Variants in RSPH3 observed in about 807,000 individuals in gnomAD.
RSPH3 encodes the protein radial spoke head protein 3 homolog.
A neutral mutation model predicts 43.8 loss-of-function variants in RSPH3; 21 were observed. That is an observed-to-expected ratio of 0.48 (90% CI 0.34 to 0.69). The LOEUF is 0.69. Ranked by LOEUF, RSPH3 falls within the 30% of genes least tolerant of loss-of-function variation. The pLI, the probability that RSPH3 is intolerant of heterozygous loss-of-function variation, is 0.01. For missense variants in RSPH3, 487 were observed against 516.0 expected, an observed-to-expected ratio of 0.94 and a Z score of 0.54; for synonymous variants, 173 against 179.8, an observed-to-expected ratio of 0.96 and a Z score of 0.30.
At chr6:158,970,244 TTG>T (rs927490945), downstream of RSPH3, among the ~76,000 whole-genome samples, 1 of 152,234 alleles carries the variant, frequency 6.6e-6, no homozygotes, top group African/African-American at 2.4e-5. Flanking sequence ...GTATTCTTTG[TTG>T]TGTGTGGCCA....
rs1375363885 is a variant in RSPH3 at position 158,989,339 on chromosome 6, GC to G, written c.205-2919del. ...TGGGATTACAGGCATGAGACACTGC[GC>G]CCCGACAGAGATCCTTTATCACTAG... On this transcript the variant is annotated intron_variant, in intron 2 of 7. Coordinates refer to ENST00000367069, the MANE Select transcript of RSPH3 (RefSeq NM_031924.8). This position sits in a 1 kb window ranked among gnomAD's most constrained non-coding sequence, Gnocchi z 4.3. Among the ~76,000 whole-genome samples, 1 of 152,088 alleles carries G rather than the reference GC, an allele frequency of 6.6e-6. No homozygotes were observed. The highest frequency in any genetic ancestry group is 1.5e-5 in the Non-Finnish European group (1 of 68,018).
chr6:158,970,945 C>G (rs911133945), downstream of RSPH3, among the ~76,000 whole-genome samples: 1 of 152,128 alleles, frequency 6.6e-6, no homozygotes, highest in Admixed American at 6.5e-5. Flanking sequence ...CCTCAGGCAG[C>G]TGTGATGTTA....
chr6:158,999,117 T>A (rs982810076), intron 1 of RSPH3, among the ~76,000 whole-genome samples: 1 of 152,208 alleles, frequency 6.6e-6, no homozygotes, highest in Non-Finnish European at 1.5e-5. Flanking sequence ...ATGCCCCCCG[T>A]AAGGTGCTCA....
chr6:158,992,810 A>G (rs1778461224), intron 2 of RSPH3, among the ~76,000 whole-genome samples: 1 of 152,184 alleles, frequency 6.6e-6, no homozygotes. Context: ...ACCACCCTTA[A>G]TATCATACCA....
downstream of RSPH3, chr6:158,972,810 T>C (rs990134386): frequency 6.6e-6 from 1 of 152,230 alleles, no homozygotes; most frequent in Non-Finnish European, 1.5e-5. Flanking sequence ...GCTATTAGCT[T>C]ATCTTTTAAC....
intron 4 of RSPH3, 81 bp from the exon 5 acceptor site, chr6:158,982,769 C>G (rs775600109): frequency 2.3e-6 from 2 of 888,418 alleles, no homozygotes; most frequent in Non-Finnish European, 3.6e-6. Context: ...ATAGCAATAA[C>G]AAGATATTAT....
rs572292023 is a variant in RSPH3, at chr6:158,992,426, C to T, written c.204+1413G>A. ...TCCCAAGTAGCTGGGACTACAGGGG[C>T]GTGCCACCATGCCCAGCTAATTTTT... On this transcript the variant is annotated intron_variant, in intron 2 of 7. Transcript: ENST00000367069. 3.0e-4 allele frequency among the ~76,000 whole-genome samples: 45 copies of T among 150,680 alleles called. No homozygotes were observed. In the East Asian group the frequency reaches 3.3e-3, roughly 11 times the overall value.
intron 2 of RSPH3, 136 bp downstream of exon 2, chr6:158,993,703 T>C: frequency 1.9e-6 from 1 of 528,030 alleles, no homozygotes; most frequent in Non-Finnish European, 3.3e-6. Flanking sequence ...TTTTTAAAAA[T>C]TTCATTTTTA....
chr6:158,986,172 C>T (rs532995287), intron 3 of RSPH3, 108 bp downstream of exon 3: 4 of 1,039,070 alleles, frequency 3.8e-6, no homozygotes, highest in South Asian at 3.2e-5. Context: ...GGGGAAGTAT[C>T]AGAGAGCACA....
intron 6 of RSPH3, among the ~76,000 whole-genome samples, chr6:158,980,337 G>C (rs1166158967): frequency 6.6e-6 from 1 of 151,980 alleles, no homozygotes; most frequent in Non-Finnish European, 1.5e-5. Flanking sequence ...CCGAGGCAGG[G>C]AGAATTGCTT....
chr6:158,965,439 G>A, the RSPH3 span, among the ~76,000 whole-genome samples: 24 of 152,076 alleles, frequency 1.6e-4, no homozygotes, highest in East Asian at 4.6e-3. Context: ...ATTTATTTAG[G>A]TCTTCTTTAA....
At position 158,985,491 on chromosome 6, in the gene RSPH3, T is replaced by C. The variant is rs1778197749; in HGVS notation, c.346+789A>G. ...TTGTTGTTCAGGCTGAGTGCAGTGG[T>C]GTGATCATAGCTTACTGAGGCCTTG... is the stretch of plus-strand genomic sequence containing the variant. On this transcript the variant is annotated intron_variant, in intron 3 of 7. Transcript: ENST00000367069. Among the ~76,000 whole-genome samples the C allele has an allele frequency of 3.9e-5, 6 of 152,338 alleles. No homozygotes were observed. In the South Asian group the frequency reaches 1.2e-3, roughly 32 times the overall value.
At chr6:158,993,021 A>G (rs1168830790) in intron 2 of RSPH3, among the ~76,000 whole-genome samples, 2 of 152,186 alleles carry the variant, frequency 1.3e-5, no homozygotes, top group Admixed American at 1.3e-4. Context: ...AGTGTCTATA[A>G]ACTATTTGAA....
At position 158,982,557 on chromosome 6, in the gene RSPH3, T is replaced by C. The variant is rs1363132848; in HGVS notation, c.624A>G (p.Glu208=). 1.2e-6 allele frequency: 2 copies of C among 1,613,908 alleles called. No homozygotes were observed. Among genetic ancestry groups the C allele is most frequent in the Non-Finnish European group, 1.7e-6 (2 of 1,179,976 alleles). ...CAGCACGTTCACTATTCCGTAGTTC[T>C]TCATACTCACGCTGACTGGCCCGCA... ...ANLRASQREY[E]ELRNSERAEV... is the part of the protein sequence containing the mutation. The change falls in exon 5 of 8, where the codon GAA becomes GAG. Residue 208 remains glutamate, a synonymous_variant. Transcript: ENST00000367069.
intron 2 of RSPH3, among the ~76,000 whole-genome samples, chr6:158,992,853 G>C (rs915077182): frequency 1.3e-5 from 2 of 152,090 alleles, no homozygotes; most frequent in African/African-American, 4.8e-5. Context: ...TAGGTACCCA[G>C]AACAGGACCT....
At chr6:158,995,252 C>T (rs186378288) in intron 1 of RSPH3, among the ~76,000 whole-genome samples, 13 of 152,264 alleles carry the variant, frequency 8.5e-5, no homozygotes, top group Admixed American at 3.9e-4. Context: ...TGGAAGGCAA[C>T]CTCAGAATTG....
intron 1 of RSPH3, among the ~76,000 whole-genome samples, chr6:158,994,541 C>T (rs939917392): frequency 6.6e-6 from 1 of 152,138 alleles, no homozygotes; most frequent in Non-Finnish European, 1.5e-5. Flanking sequence ...ATCCCAGCTG[C>T]TCTGGAGCCT....
intron 1 of RSPH3, 151 bp downstream of exon 1, chr6:158,999,284 G>GCT (rs1221211205): frequency 0.013 from 8,227 of 657,330 alleles, 98 homozygotes; most frequent in Admixed American, 0.02. Context: ...CCACACCACG[G>GCT]GAGATTCCTT....
At chr6:158,970,064 G>A (rs1352170370), downstream of RSPH3, among the ~76,000 whole-genome samples, 2 of 150,512 alleles carry the variant, frequency 1.3e-5, no homozygotes, top group Non-Finnish European at 2.9e-5. Context: ...CCTATTTTTT[G>A]CCTGCCTTGT....
Sources: allele counts gnomAD v4.1 joint callset (sites outside exome capture counted in the v4.1 genomes callset), GRCh38; gene constraint gnomAD v4.1.1; non-coding constraint Gnocchi (gnomAD v3.1); transcripts MANE v1.5; gene names NCBI Gene and HGNC (gene_info 2026-07-23, HGNC 2026-07-21).